Variants in CCDC158 observed in about 807,000 individuals in gnomAD.
The protein encoded by CCDC158 is coiled-coil domain-containing protein 158.
CCDC158 carries 116 observed loss-of-function variants against 138.6 expected under a neutral mutation model. The observed-to-expected ratio is 0.84, with a 90% CI of 0.72 to 0.98. The LOEUF is 0.98. Among genes scored for constraint, CCDC158 ranks in the 50% least tolerant of loss-of-function variants. CCDC158 has a pLI of 0.00. For synonymous variants in CCDC158, 436 were observed against 442.4 expected (o/e 0.99, Z 0.18); for missense variants, 1,265 against 1,306.1 (o/e 0.97, Z 0.48).
At chr4:76,413,476 A>G (rs898287912) in intron 1 of CCDC158, among the ~76,000 whole-genome samples, 1 of 144,932 alleles carries the variant, frequency 6.9e-6, no homozygotes, top group Non-Finnish European at 1.5e-5. Flanking sequence ...CCTTGTCTCA[A>G]AAAAAAAAAA....
intron 18 of CCDC158, among the ~76,000 whole-genome samples, chr4:76,347,622 G>A (rs541453128): frequency 1.8e-4 from 28 of 152,100 alleles, no homozygotes; most frequent in South Asian, 4.2e-4. Flanking sequence ...CGGGTTGATC[G>A]GTGCAGCAAA....
At chr4:76,323,992 GT>G (rs374853272) in intron 23 of CCDC158, among the ~76,000 whole-genome samples, 1 of 152,264 alleles carries the variant, frequency 6.6e-6, no homozygotes, top group African/African-American at 2.4e-5. Context: ...CCAGTATGCT[GT>G]TTTGTCAACC....
In CCDC158 at chr4:76,384,183, A is replaced by T. The variant is rs1726554201; in HGVS notation, c.631T>A (p.Ser211Thr). 1 of 1,614,056 alleles carries T rather than the reference A, an allele frequency of 6.2e-7. No homozygotes were observed. The highest frequency in any genetic ancestry group is 1.3e-5 in the African/African-American group (1 of 74,944). The change falls in exon 6 of 25, where the codon TCT becomes ACT. Residue 211 changes from serine to threonine, a missense_variant. Physicochemically the swap from Ser to Thr is moderately conservative, Grantham distance 58. Transcript: ENST00000682701. ...CCCAAGCTGCGGAAGTGCAGAGTAG[A>T]CATGCTGTCATGTTCACATATTTTT... ...GKKICEHDSMSTLHFRSLGSA... is the reference protein window; with the variant it reads ...GKKICEHDSMTTLHFRSLGSA...
At chr4:76,369,380 C>T (rs1469888107) in intron 11 of CCDC158, 46 bp downstream of exon 11, 1 of 1,577,146 alleles carries the variant, frequency 6.3e-7, no homozygotes, top group South Asian at 1.1e-5. Flanking sequence ...ATTTATTTCC[C>T]CAGAGGAGAT....
At chr4:76,385,506 T>TA (rs1232939133) in intron 4 of CCDC158, among the ~76,000 whole-genome samples, 2 of 152,064 alleles carry the variant, frequency 1.3e-5, no homozygotes, top group Non-Finnish European at 1.5e-5. Flanking sequence ...TCACGAAAAT[T>TA]AAAAATATGG....
In CCDC158 at chr4:76,373,245, A is replaced by G. The variant is rs564435260; in HGVS notation, c.1030-1709T>C. ...TTAGATTTTAGCTGAGCCACACAATATCATAACTTAAATAATAAGATATTA... is the reference window on the plus strand; with the variant it reads ...TTAGATTTTAGCTGAGCCACACAATGTCATAACTTAAATAATAAGATATTA... On this transcript the variant is annotated intron_variant, in intron 9 of 24. Coordinates refer to ENST00000682701, the MANE Select transcript of CCDC158 (RefSeq NM_001394954.1). Among the ~76,000 whole-genome samples the G allele has an allele frequency of 3.9e-5, 6 of 152,372 alleles. 1 individual carries two copies. Among genetic ancestry groups the G allele is most frequent in the African/African-American group, 1.4e-4 (6 of 41,596 alleles).
chr4:76,351,193 T>C (rs1447963890), intron 17 of CCDC158, 72 bp from the exon 18 acceptor site: 9 of 1,428,696 alleles, frequency 6.3e-6, no homozygotes, highest in Middle Eastern at 1.8e-4. Context: ...AATCAAAATG[T>C]ATTTTTTGAT....
At chr4:76,364,733 C>T (rs1190145365) in intron 12 of CCDC158, among the ~76,000 whole-genome samples, 10 of 152,190 alleles carry the variant, frequency 6.6e-5, no homozygotes, top group Admixed American at 2.0e-4. Context: ...CAGATTGTTT[C>T]CCCAAATTAT....
chr4:76,335,102 CATG>C (rs1721357625), intron 18 of CCDC158, among the ~76,000 whole-genome samples: 1 of 152,084 alleles, frequency 6.6e-6, no homozygotes, highest in South Asian at 2.1e-4. Flanking sequence ...TGGAAATTGT[CATG>C]ATGAGTCAGT....
intron 4 of CCDC158, among the ~76,000 whole-genome samples, chr4:76,392,207 G>C (rs1331968451): frequency 6.6e-6 from 1 of 152,004 alleles, no homozygotes; most frequent in Non-Finnish European, 1.5e-5. Flanking sequence ...GATGAATACT[G>C]ATGCAGAAAT....
chr4:76,346,515 T>C (rs1323718753), intron 18 of CCDC158, among the ~76,000 whole-genome samples: 2 of 152,102 alleles, frequency 1.3e-5, no homozygotes, highest in Non-Finnish European at 2.9e-5. Context: ...ATTGAGACCA[T>C]CCTGGCCAAC....
chr4:76,418,668 G>C (rs1475988577), intron 1 of CCDC158, among the ~76,000 whole-genome samples: 4 of 152,150 alleles, frequency 2.6e-5, no homozygotes, highest in Non-Finnish European at 4.4e-5. Context: ...AAAACCATCA[G>C]ATCTTGTGAG....
At chr4:76,378,832 A>C (rs1000990907) in intron 9 of CCDC158, among the ~76,000 whole-genome samples, 1 of 152,344 alleles carries the variant, frequency 6.6e-6, no homozygotes, top group South Asian at 2.1e-4. Context: ...GAGATGACTT[A>C]TCCTCCTAAT....
chr4:76,404,237 A>G (rs531833800), intron 2 of CCDC158, among the ~76,000 whole-genome samples: 89 of 152,282 alleles, frequency 5.8e-4, no homozygotes, highest in African/African-American at 1.9e-3. Flanking sequence ...CTACCCATAA[A>G]GAAAGTGCAT....
intron 21 of CCDC158, among the ~76,000 whole-genome samples, chr4:76,330,759 A>G (rs1720935375): frequency 6.6e-6 from 1 of 152,192 alleles, no homozygotes; most frequent in Non-Finnish European, 1.5e-5. Context: ...AGATGTGTGT[A>G]GGTCATATGC....
chr4:76,357,993 A>G (rs953080252), intron 13 of CCDC158, among the ~76,000 whole-genome samples: 22 of 147,626 alleles, frequency 1.5e-4, no homozygotes, highest in African/African-American at 3.7e-4. Flanking sequence ...ACATGTGTGC[A>G]CACACACACA....
intron 14 of CCDC158, 60 bp downstream of exon 14, chr4:76,357,314 A>G: frequency 8.0e-7 from 1 of 1,252,724 alleles, no homozygotes; most frequent in Non-Finnish European, 1.1e-6. Flanking sequence ...TTCTGTTTTA[A>G]CAAATTTAGT....
At chr4:76,393,740 G>T (rs1188963311) in intron 4 of CCDC158, among the ~76,000 whole-genome samples, 1 of 151,796 alleles carries the variant, frequency 6.6e-6, no homozygotes, top group African/African-American at 2.4e-5. Context: ...TTTGACAAGG[G>T]ATTAATTACC....
chr4:76,373,749 T>C (rs930876340), intron 9 of CCDC158, among the ~76,000 whole-genome samples: 5 of 152,202 alleles, frequency 3.3e-5, no homozygotes, highest in Admixed American at 2.0e-4. Flanking sequence ...AATCAGAGTA[T>C]AGACTTTAAT....
Sources: allele counts gnomAD v4.1 joint callset (sites outside exome capture counted in the v4.1 genomes callset), GRCh38; gene constraint gnomAD v4.1.1; transcripts MANE v1.5; gene names NCBI Gene and HGNC (gene_info 2026-07-23, HGNC 2026-07-21).